The following DHODH variants were observed in gnomAD, a reference collection of about 807,000 sequenced individuals.
DHODH encodes the protein dihydroorotate dehydrogenase (quinone).
In DHODH, 30 loss-of-function variants were observed where a neutral mutation model predicts 39.7. That is an observed-to-expected ratio of 0.76 (90% CI 0.57 to 1.02). DHODH has a LOEUF of 1.02. Among genes scored for constraint, DHODH ranks in the 50% least tolerant of loss-of-function variants. The pLI is 0.00. For synonymous variants in DHODH, 222 were observed against 213.8 expected (o/e 1.04, Z -0.34); for missense variants, 531 against 520.8 (o/e 1.02, Z -0.19).
chr16:72,013,976 G>A (rs1474047223), intron 2 of DHODH, among the ~76,000 whole-genome samples: 1 of 152,142 alleles, frequency 6.6e-6, no homozygotes, highest in Non-Finnish European at 1.5e-5. Context: ...ACGTGGCTGG[G>A]GCTTCTTGCC....
At chr16:72,021,334 A>G (rs1222797094) in intron 5 of DHODH, 23 bp downstream of exon 5, 8 of 1,582,366 alleles carry the variant, frequency 5.1e-6, no homozygotes, top group Middle Eastern at 1.9e-4. Flanking sequence ...ACCCCTCTCC[A>G]GGCCCTGTCC....
At chr16:72,022,244 T>C in intron 5 of DHODH, 118 bp from the exon 6 acceptor site, 1 of 752,462 alleles carries the variant, frequency 1.3e-6, no homozygotes, top group Non-Finnish European at 2.3e-6. Flanking sequence ...GAAAAGAAAT[T>C]GTTTCTGCTT....
chr16:72,020,606 C>T (rs1464513422), intron 4 of DHODH: 3 of 156,892 alleles, frequency 1.9e-5, no homozygotes, highest in Admixed American at 1.9e-4. Context: ...CTGCCCTTGA[C>T]CACCCAAAGT....
chr16:72,008,895 G>C, intron 1 of DHODH, 110 bp downstream of exon 1: 4 of 1,547,872 alleles, frequency 2.6e-6, no homozygotes, highest in South Asian at 1.2e-5. Context: ...GGGAGTGTGG[G>C]CCCCCCTGGG....
chr16:72,018,807 A>G (rs2041172217), intron 4 of DHODH, among the ~76,000 whole-genome samples: 1 of 152,246 alleles, frequency 6.6e-6, no homozygotes. Flanking sequence ...CAGTTTGGGC[A>G]GATGACTCCT....
At chr16:72,021,610 T>C (rs1429747441) in intron 5 of DHODH, among the ~76,000 whole-genome samples, 1 of 152,226 alleles carries the variant, frequency 6.6e-6, no homozygotes, top group African/African-American at 2.4e-5. Flanking sequence ...CTGAGTGAAC[T>C]GAAGGACTTC....
Position 72,025,009 on chromosome 16 carries a change from C to T in DHODH, c.*810C>T, listed in dbSNP as rs1315417945. The T allele has an allele frequency of 6.6e-6, 1 of 152,218 alleles. No individual in the cohort carries two copies. The highest frequency in any genetic ancestry group is 1.5e-5 in the Non-Finnish European group (1 of 68,064). 9.4% of individuals were successfully genotyped at this position (152,218 alleles called of 1,614,324 possible). On this transcript the variant is annotated 3_prime_UTR_variant, in exon 9 of 9. Transcript: ENST00000219240. Reference sequence around the variant, plus strand: ...ACAAATTTTCCCGTTTCTCTCTGTCCCTTTCTCTATAACATGGATAAAATA... The same window carrying T: ...ACAAATTTTCCCGTTTCTCTCTGTCTCTTTCTCTATAACATGGATAAAATA...
intron 4 of DHODH, among the ~76,000 whole-genome samples, chr16:72,019,251 C>T (rs1423686796): frequency 6.6e-6 from 1 of 152,160 alleles, no homozygotes; most frequent in African/African-American, 2.4e-5. Flanking sequence ...CTGCTGCGCC[C>T]GGCTTCTAAT....
At chr16:72,008,977 TGTGCAGACAGCGCCTGCAGGTCTGGGTGG>T in intron 1 of DHODH, 192 bp downstream of exon 1, 4 of 1,479,780 alleles carry the variant, frequency 2.7e-6, no homozygotes, top group Non-Finnish European at 2.7e-6. Context: ...CGGTCAGGCG[TGTGCAGACAGCGCCTGCAGGTCTGGGTGG>T]GTGCTGATCT....
chr16:72,024,299 G>A lies in DHODH; in HGVS notation c.*100G>A, dbSNP rs1190643658. On this transcript the variant is annotated 3_prime_UTR_variant, in exon 9 of 9. Coordinates refer to ENST00000219240, the MANE Select transcript of DHODH (RefSeq NM_001361.5). ...GAGGAGGGACTCCATCTTGAGCCAT[G>A]TCCCCCAGCCATGGCATGGCTGCAC... 3 of 1,347,444 alleles carry A rather than the reference G, an allele frequency of 2.2e-6. No individual in the cohort carries two copies. Among genetic ancestry groups the A allele is most frequent in the African/African-American group, 2.9e-5 (2 of 69,580 alleles). The allele number at this position is 1,347,444 out of a possible 1,614,324, so 83.5% of individuals were successfully genotyped here.
chr16:72,013,136 G>A (rs1267122355), intron 2 of DHODH, among the ~76,000 whole-genome samples: 1 of 151,382 alleles, frequency 6.6e-6, no homozygotes, highest in Non-Finnish European at 1.5e-5. Flanking sequence ...GGCCTTCACC[G>A]CATTTTCTCT....
chr16:72,009,227 G>A, intron 1 of DHODH: 12 of 811,942 alleles, frequency 1.5e-5, no homozygotes, highest in Non-Finnish European at 1.8e-5. Context: ...TCAGAGGCCG[G>A]GCGCGGTGGC....
chr16:72,014,813 C>A, intron 3 of DHODH, 141 bp downstream of exon 3: 2 of 864,918 alleles, frequency 2.3e-6, no homozygotes, highest in Non-Finnish European at 1.8e-6. Context: ...GAACCCTGTT[C>A]AGCATCTACT....
At chr16:72,017,853 G>A (rs1254264999) in intron 4 of DHODH, among the ~76,000 whole-genome samples, 2 of 148,724 alleles carry the variant, frequency 1.3e-5, no homozygotes, top group African/African-American at 5.1e-5. Flanking sequence ...CTCACTGCAA[G>A]CTCTGCTTCC....
chr16:72,017,866 C>A lies in DHODH; in HGVS notation c.517+760C>A, dbSNP rs577214868. 5.3e-4 allele frequency among the ~76,000 whole-genome samples: 79 copies of A among 148,810 alleles called. 3 individuals carry two copies. In the South Asian group the frequency reaches 0.016, roughly 30 times the overall value. On this transcript the variant is annotated intron_variant, in intron 4 of 8. Coordinates refer to ENST00000219240, the MANE Select transcript of DHODH (RefSeq NM_001361.5). ...GGCTCACTGCAAGCTCTGCTTCCCGCGTTCTCACTATTCTCCTGCCTCAGC... is the reference window on the plus strand; with the variant it reads ...GGCTCACTGCAAGCTCTGCTTCCCGAGTTCTCACTATTCTCCTGCCTCAGC...
intron 4 of DHODH, among the ~76,000 whole-genome samples, chr16:72,017,792 AC>A (rs1261835948): frequency 4.6e-5 from 2 of 43,786 alleles, no homozygotes; most frequent in Non-Finnish European, 8.2e-5. Flanking sequence ...TTTTTTTGAG[AC>A]GGAGTCTCGC....
At chr16:72,019,916 C>A (rs1475965828) in intron 4 of DHODH, among the ~76,000 whole-genome samples, 2 of 152,176 alleles carry the variant, frequency 1.3e-5, no homozygotes, top group African/African-American at 2.4e-5. Context: ...CCAAGGCAAG[C>A]GGATCATTTG....
chr16:72,020,835 T>A (rs1411080090), intron 4 of DHODH, among the ~76,000 whole-genome samples: 1 of 152,178 alleles, frequency 6.6e-6, no homozygotes, highest in Non-Finnish European at 1.5e-5. Flanking sequence ...GCCCCACAAG[T>A]ATTTGCAGTA....
At position 72,023,331 on chromosome 16, in the gene DHODH, G is replaced by T. The variant is rs374782917; in HGVS notation, c.973+13G>T. ...GCACTCACCCAAGGCAAGGTTTCCC[G>T]TGTTTGTGTCTTCAGATCTGCGTGT... On this transcript the variant is annotated intron_variant, in intron 7 of 8. Transcript: ENST00000219240. 3 of 1,614,010 alleles carry T rather than the reference G, an allele frequency of 1.9e-6. No individual in the cohort carries two copies. Among genetic ancestry groups the T allele is most frequent in the Non-Finnish European group, 8.5e-7 (1 of 1,180,050 alleles).
Sources: gnomAD v4.1 joint callset for allele counts (sites outside exome capture counted in the v4.1 genomes callset) on GRCh38, gnomAD v4.1.1 for gene constraint, MANE v1.5 for transcripts, NCBI Gene and HGNC (gene_info 2026-07-23, HGNC 2026-07-21) for gene names.